The following SLC44A5 variants were observed in gnomAD, a reference collection of about 807,000 sequenced individuals.
SLC44A5 encodes choline transporter-like protein 5.
A neutral mutation model predicts 101.8 loss-of-function variants in SLC44A5; 57 were observed. The observed-to-expected ratio is 0.56, with a 90% CI of 0.45 to 0.70. The LOEUF is 0.70. Ranked by LOEUF, SLC44A5 falls within the 30% of genes least tolerant of loss-of-function variation. SLC44A5 has a pLI of 0.00. For synonymous variants in SLC44A5, 281 were observed against 290.9 expected, an observed-to-expected ratio of 0.97 and a Z score of 0.35; for missense variants, 737 against 853.1, an observed-to-expected ratio of 0.86 and a Z score of 1.70.
intron 3 of SLC44A5, among the ~76,000 whole-genome samples, chr1:75,365,302 C>T (rs143083617): frequency 6.6e-6 from 1 of 152,182 alleles, no homozygotes; most frequent in Non-Finnish European, 1.5e-5. Context: ...GTTATTTTTC[C>T]TGATATTCTC....
chr1:75,543,278 A>G (rs1046218715), intron 1 of SLC44A5, among the ~76,000 whole-genome samples: 7 of 151,910 alleles, frequency 4.6e-5, no homozygotes, highest in African/African-American at 1.7e-4. Context: ...GTCCCAAGGC[A>G]CCCCTAGCTC....
intron 1 of SLC44A5, among the ~76,000 whole-genome samples, chr1:75,542,174 T>C (rs1671388820): frequency 1.3e-5 from 2 of 152,150 alleles, no homozygotes; most frequent in Admixed American, 6.5e-5. Flanking sequence ...CTTTTCATTT[T>C]GAAATAATTT....
At chr1:75,368,156 T>A (rs1357951898) in intron 3 of SLC44A5, among the ~76,000 whole-genome samples, 3 of 152,182 alleles carry the variant, frequency 2.0e-5, no homozygotes, top group Non-Finnish European at 2.9e-5. Flanking sequence ...ATCAGAGTTA[T>A]CTAACAAAGC....
intron 1 of SLC44A5, among the ~76,000 whole-genome samples, chr1:75,599,652 AC>A (rs1174823140): frequency 2.0e-5 from 3 of 152,204 alleles, no homozygotes; most frequent in African/African-American, 7.2e-5. Flanking sequence ...AGAGAAGTTG[AC>A]ATTTGTGCTT....
At chr1:75,354,031 AT>A in intron 3 of SLC44A5, 1 of 326,512 alleles carries the variant, frequency 3.1e-6, no homozygotes, top group Non-Finnish European at 5.9e-6. Context: ...CTCACTACTG[AT>A]TTTTTAAATG....
chr1:75,492,709 G>T (rs1668485967), intron 2 of SLC44A5, among the ~76,000 whole-genome samples: 1 of 152,200 alleles, frequency 6.6e-6, no homozygotes, highest in East Asian at 1.9e-4. Flanking sequence ...TAGAATTAAA[G>T]AAGGGCCATG....
chr1:75,532,720 G>C (rs958147702), intron 2 of SLC44A5, among the ~76,000 whole-genome samples: 2 of 152,138 alleles, frequency 1.3e-5, no homozygotes, highest in Non-Finnish European at 2.9e-5. Flanking sequence ...TCAGTATAGA[G>C]TTTGGCACAT....
chr1:75,706,466 T>C, the SLC44A5 span, among the ~76,000 whole-genome samples: 2 of 152,208 alleles, frequency 1.3e-5, no homozygotes, highest in Admixed American at 6.5e-5. Context: ...CTAATTTTGT[T>C]GTTAATCTAT....
the SLC44A5 span, among the ~76,000 whole-genome samples, chr1:75,718,623 C>T: frequency 3.3e-5 from 5 of 152,268 alleles, no homozygotes; most frequent in East Asian, 9.7e-4. Flanking sequence ...CTGAGGAGTG[C>T]AAAGAGGATA....
the SLC44A5 span, among the ~76,000 whole-genome samples, chr1:75,647,528 C>A: frequency 0.093 from 14,145 of 152,082 alleles, 863 homozygotes; most frequent in East Asian, 0.25. Context: ...CAGCTTGCAC[C>A]GTGCACCTGG....
chr1:75,312,136 T>C (rs1655353615), intron 4 of SLC44A5, among the ~76,000 whole-genome samples: 1 of 152,170 alleles, frequency 6.6e-6, no homozygotes, highest in Non-Finnish European at 1.5e-5. Flanking sequence ...GGGAAACCCC[T>C]TTCACTTGGC....
chr1:75,346,936 C>T (rs181372924), intron 3 of SLC44A5, among the ~76,000 whole-genome samples: 22 of 152,212 alleles, frequency 1.4e-4, no homozygotes, highest in Admixed American at 1.1e-3. Flanking sequence ...CATACGCATT[C>T]GCCCTAAATA....
chr1:75,414,573 T>C (rs1663514680), intron 2 of SLC44A5, among the ~76,000 whole-genome samples: 2 of 152,130 alleles, frequency 1.3e-5, no homozygotes, highest in South Asian at 4.2e-4. Context: ...ATTAAAGTTG[T>C]GTTTAGGTGT....
At chr1:75,486,635 T>C (rs1668165115) in intron 2 of SLC44A5, among the ~76,000 whole-genome samples, 1 of 152,180 alleles carries the variant, frequency 6.6e-6, no homozygotes, top group Non-Finnish European at 1.5e-5. Flanking sequence ...ATGTTTCCCT[T>C]CCAAATGGGA....
At chr1:75,254,042 A>G (rs558539148) in intron 6 of SLC44A5, among the ~76,000 whole-genome samples, 3 of 151,462 alleles carry the variant, frequency 2.0e-5, no homozygotes, top group Admixed American at 2.0e-4. Context: ...GGGGACCACA[A>G]CTTTTTTTTT....
upstream of SLC44A5, among the ~76,000 whole-genome samples, chr1:75,611,276 T>C (rs1248074803): frequency 6.6e-6 from 1 of 152,164 alleles, no homozygotes; most frequent in East Asian, 1.9e-4. Context: ...CCTGGAGCTA[T>C]AGTATATTTT....
intron 1 of SLC44A5, among the ~76,000 whole-genome samples, chr1:75,547,257 C>CTGTT (rs1244654131): frequency 6.6e-6 from 1 of 152,086 alleles, no homozygotes; most frequent in Non-Finnish European, 1.5e-5. Context: ...AAACAATAGC[C>CTGTT]AACACCATAG....
At chr1:75,549,768 A>G (rs1454518664) in intron 1 of SLC44A5, among the ~76,000 whole-genome samples, 1 of 152,118 alleles carries the variant, frequency 6.6e-6, no homozygotes, top group Non-Finnish European at 1.5e-5. Context: ...GTAACATTAT[A>G]TCTGGAGATT....
At chr1:75,642,410 A>G in the SLC44A5 span, among the ~76,000 whole-genome samples, 5 of 152,084 alleles carry the variant, frequency 3.3e-5, no homozygotes, top group African/African-American at 4.8e-5. Context: ...CAGCTGTGAG[A>G]TGGTCAAGCC....
Sources: allele counts gnomAD v4.1 joint callset (sites outside exome capture counted in the v4.1 genomes callset), GRCh38; gene constraint gnomAD v4.1.1; transcripts MANE v1.5; gene names NCBI Gene and HGNC (gene_info 2026-07-23, HGNC 2026-07-21).